Variants in KCNIP4 observed in about 807,000 individuals in gnomAD.
KCNIP4 encodes the protein potassium voltage-gated channel interacting protein 4.
A neutral mutation model predicts 34.0 loss-of-function variants in KCNIP4; 12 were observed. The observed-to-expected ratio is 0.35, with a 90% CI of 0.23 to 0.57. The LOEUF is 0.57. Ranked by LOEUF, KCNIP4 falls within the 20% of genes least tolerant of loss-of-function variation. The pLI, the probability that KCNIP4 is intolerant of heterozygous loss-of-function variation, is 0.83. For missense variants in KCNIP4, 238 were observed against 311.7 expected, an observed-to-expected ratio of 0.76 and a Z score of 1.78; for synonymous variants, 124 against 102.2, an observed-to-expected ratio of 1.21 and a Z score of -1.29.
intron 1 of KCNIP4, among the ~76,000 whole-genome samples, chr4:20,953,469 C>A (rs1732989858): frequency 6.6e-6 from 1 of 152,030 alleles, no homozygotes; most frequent in Non-Finnish European, 1.5e-5. Context: ...ATCACTTGAG[C>A]TCAGGAGTTT....
chr4:21,096,064 A>C (rs1029966925), intron 1 of KCNIP4, among the ~76,000 whole-genome samples: 1 of 152,170 alleles, frequency 6.6e-6, no homozygotes, highest in Non-Finnish European at 1.5e-5. Context: ...CCCACAAACT[A>C]TCTGGGGAGA....
intron 1 of KCNIP4, among the ~76,000 whole-genome samples, chr4:21,201,368 G>T (rs1756478944): frequency 6.6e-6 from 1 of 152,146 alleles, no homozygotes; most frequent in Admixed American, 6.5e-5. Flanking sequence ...CAGAAAGAAA[G>T]GACTGAAAAT....
chr4:21,519,356 A>G, intron 1 of KCNIP4, among the ~76,000 whole-genome samples: 1 of 148,508 alleles, frequency 6.7e-6, no homozygotes, highest in Non-Finnish European at 1.5e-5. Context: ...ACACACACAC[A>G]CACACACACA....
chr4:20,916,269 C>T (rs936754686), intron 1 of KCNIP4: 1 of 965,394 alleles, frequency 1.0e-6, no homozygotes, highest in African/African-American at 1.8e-5. Flanking sequence ...TCTCTGACCT[C>T]CACCCACATT....
At chr4:21,742,990 T>C (rs1448977077) in intron 1 of KCNIP4, among the ~76,000 whole-genome samples, 3 of 152,192 alleles carry the variant, frequency 2.0e-5, no homozygotes, top group Non-Finnish European at 2.9e-5. Flanking sequence ...TAGAGTGTAA[T>C]AGGCTACCAT....
chr4:21,438,426 T>G (rs564684124), intron 1 of KCNIP4, among the ~76,000 whole-genome samples: 1 of 152,218 alleles, frequency 6.6e-6, no homozygotes, highest in Non-Finnish European at 1.5e-5. Flanking sequence ...AAGTCTAGAA[T>G]AAGAAATACA....
Position 21,541,636 on chromosome 4 carries a change from T to C in KCNIP4, c.61+406935A>G, listed in dbSNP as rs536666516. 1.3e-4 allele frequency among the ~76,000 whole-genome samples: 20 copies of C among 152,258 alleles called. No individual in the cohort carries two copies. In the South Asian group the frequency reaches 4.1e-3, roughly 32 times the overall value. On this transcript the variant is annotated intron_variant, in intron 1 of 8. Transcript: ENST00000382152. The stretch of plus-strand genomic sequence containing the variant: ...AAGTCATATAGTCTTATAAGCTTTC[T>C]ATTTATTTCTTTTCTTTTCTTTTCA...
chr4:21,746,872 G>A (rs982081632), intron 1 of KCNIP4, among the ~76,000 whole-genome samples: 1 of 152,090 alleles, frequency 6.6e-6, no homozygotes, highest in Non-Finnish European at 1.5e-5. Context: ...AGAATAAAAG[G>A]AGCAGGAAAT....
intron 1 of KCNIP4, among the ~76,000 whole-genome samples, chr4:21,406,716 A>G (rs754816685): frequency 2.0e-5 from 3 of 152,206 alleles, no homozygotes; most frequent in Non-Finnish European, 2.9e-5. Flanking sequence ...CTGGCAAACT[A>G]TAGTTATTCA....
At chr4:21,521,186 T>C (rs975747639) in intron 1 of KCNIP4, among the ~76,000 whole-genome samples, 3 of 152,146 alleles carry the variant, frequency 2.0e-5, no homozygotes, top group Non-Finnish European at 2.9e-5. Context: ...GTGAATATTC[T>C]AAGCAAGAAA....
At chr4:21,173,380 T>C (rs1754158034) in intron 1 of KCNIP4, among the ~76,000 whole-genome samples, 1 of 152,208 alleles carries the variant, frequency 6.6e-6, no homozygotes, top group African/African-American at 2.4e-5. Context: ...AGCAGAAGAC[T>C]GAGCATATAG....
chr4:21,082,451 G>C (rs1746081521), intron 1 of KCNIP4, among the ~76,000 whole-genome samples: 1 of 151,836 alleles, frequency 6.6e-6, no homozygotes, highest in South Asian at 2.1e-4. Flanking sequence ...CTCATTAACA[G>C]ATCATTTAGA....
chr4:21,714,803 TA>T (rs1486468560), intron 1 of KCNIP4, among the ~76,000 whole-genome samples: 32 of 420 alleles, frequency 0.076, 4 homozygotes, highest in Admixed American at 0.19. Context: ...TATTTTATTT[TA>T]TTTTATTTTA....
chr4:21,374,627 T>C (rs1442731979), intron 1 of KCNIP4, among the ~76,000 whole-genome samples: 5 of 147,680 alleles, frequency 3.4e-5, no homozygotes, highest in Non-Finnish European at 5.9e-5. Flanking sequence ...GATAACTTAA[T>C]AGAGTGTTTT....
chr4:21,901,474 A>G (rs1276441607), intron 1 of KCNIP4, among the ~76,000 whole-genome samples: 1 of 152,162 alleles, frequency 6.6e-6, no homozygotes, highest in East Asian at 1.9e-4. Context: ...AACAATATCT[A>G]TTGTGTGCTC....
At chr4:20,756,666 C>T (rs1262232300) in intron 4 of KCNIP4, among the ~76,000 whole-genome samples, 1 of 151,920 alleles carries the variant, frequency 6.6e-6, no homozygotes, top group African/African-American at 2.4e-5. Flanking sequence ...CCTAGTAGTT[C>T]ATCCAGGGCA....
intron 1 of KCNIP4, among the ~76,000 whole-genome samples, chr4:20,998,787 C>T (rs1230903874): frequency 4.6e-5 from 7 of 152,228 alleles, no homozygotes; most frequent in African/African-American, 7.2e-5. Context: ...GAGGATGACT[C>T]AATGTCTTGA....
intron 1 of KCNIP4, among the ~76,000 whole-genome samples, chr4:21,043,097 C>A (rs1742105511): frequency 6.6e-6 from 1 of 152,184 alleles, no homozygotes; most frequent in African/African-American, 2.4e-5. Context: ...CATTGTGCAG[C>A]TTATTTAGCA....
intron 1 of KCNIP4, among the ~76,000 whole-genome samples, chr4:21,776,101 G>A (rs1347406814): frequency 6.6e-6 from 1 of 152,192 alleles, no homozygotes; most frequent in Non-Finnish European, 1.5e-5. Context: ...CCAATCCATG[G>A]GTTGCACAGT....
Sources: gnomAD v4.1 joint callset for allele counts (sites outside exome capture counted in the v4.1 genomes callset) on GRCh38, gnomAD v4.1.1 for gene constraint, MANE v1.5 for transcripts, NCBI Gene and HGNC (gene_info 2026-07-23, HGNC 2026-07-21) for gene names.